The following CASTOR2 variants were observed in gnomAD, a reference collection of about 807,000 sequenced individuals.
The protein encoded by CASTOR2 is GATS protein like 2.
A neutral mutation model predicts 31.2 loss-of-function variants in CASTOR2; 8 were observed. That is an observed-to-expected ratio of 0.26 (90% CI 0.15 to 0.46). The LOEUF (loss-of-function observed/expected upper bound fraction) is 0.46. Ranked by LOEUF, CASTOR2 falls within the 20% of genes least tolerant of loss-of-function variation. The probability of loss-of-function intolerance (pLI) is 0.99; values close to 1 mark genes in which losing one functional copy is unlikely to be tolerated. For missense variants in CASTOR2, 216 were observed against 382.1 expected (o/e 0.57, Z 3.62); for synonymous variants, 162 against 158.7 (o/e 1.02, Z -0.16).
intron 2 of CASTOR2, among the ~76,000 whole-genome samples, chr7:75,012,479 G>A (rs1215423652): frequency 6.7e-6 from 1 of 149,006 alleles, no homozygotes; most frequent in Non-Finnish European, 1.5e-5. Flanking sequence ...ATTTTTTTTT[G>A]TATTTTTAGT....
At chr7:74,993,684 C>T (rs1214505128) in intron 1 of CASTOR2, among the ~76,000 whole-genome samples, 1 of 151,444 alleles carries the variant, frequency 6.6e-6, no homozygotes, top group Non-Finnish European at 1.5e-5. Flanking sequence ...CTCCTGGTCT[C>T]AAGTGATCCA....
intron 1 of CASTOR2, among the ~76,000 whole-genome samples, chr7:74,967,491 C>T (rs1803591389): frequency 6.8e-6 from 1 of 148,024 alleles, no homozygotes. Flanking sequence ...AAGTTTAGCC[C>T]AGACTAGCAC....
intron 7 of CASTOR2, among the ~76,000 whole-genome samples, chr7:75,022,678 AAT>A (rs1805033522): frequency 1.3e-5 from 2 of 152,194 alleles, no homozygotes; most frequent in African/African-American, 4.8e-5. Context: ...GTGCGCCTGT[AAT>A]CCCAGCTACT....
chr7:74,979,197 A>G (rs1191826547), intron 1 of CASTOR2, among the ~76,000 whole-genome samples: 2 of 149,304 alleles, frequency 1.3e-5, no homozygotes, highest in South Asian at 2.1e-4. Context: ...AATGTTTAAG[A>G]TTTTATTTTA....
At chr7:75,014,025 G>T (rs1265814438) in intron 2 of CASTOR2, among the ~76,000 whole-genome samples, 2 of 152,128 alleles carry the variant, frequency 1.3e-5, no homozygotes, top group East Asian at 1.9e-4. Context: ...CACCGTACCC[G>T]GCCTCTTTTA....
chr7:74,973,206 CTA>C (rs1324172988), intron 1 of CASTOR2, among the ~76,000 whole-genome samples: 1 of 150,680 alleles, frequency 6.6e-6, no homozygotes, highest in Non-Finnish European at 1.5e-5. Flanking sequence ...CCTCTCTGTG[CTA>C]TGTTTCTTAC....
At chr7:74,991,494 A>G (rs1554437353) in intron 1 of CASTOR2, among the ~76,000 whole-genome samples, 2 of 152,076 alleles carry the variant, frequency 1.3e-5, no homozygotes, top group African/African-American at 2.4e-5. Context: ...TCAATCAGCA[A>G]ATACTACAAG....
chr7:74,990,216 G>A (rs1281376375), intron 1 of CASTOR2, among the ~76,000 whole-genome samples: 10 of 151,574 alleles, frequency 6.6e-5, no homozygotes, highest in East Asian at 2.0e-4. Flanking sequence ...GTGAAACCCC[G>A]TCTCTACTAA....
At chr7:75,016,371 G>T (rs1804863498) in intron 2 of CASTOR2, among the ~76,000 whole-genome samples, 1 of 152,202 alleles carries the variant, frequency 6.6e-6, no homozygotes, top group Admixed American at 6.5e-5. Flanking sequence ...AGTTGCTGCT[G>T]CTGTGGACTC....
At position 75,024,682 on chromosome 7, in the gene CASTOR2, C is replaced by T; in HGVS notation, c.973C>T (p.Gln325Ter). 1 of 1,551,642 alleles carries T rather than the reference C, an allele frequency of 6.4e-7. No individual in the cohort carries two copies. The highest frequency in any genetic ancestry group is 1.2e-5 in the South Asian group (1 of 84,054). Residue 325 changes from glutamine (Q) to a stop codon, truncating the protein, a stop_gained, in exon 9 of 9, where the codon CAA becomes TAA. Coordinates refer to ENST00000616305, the MANE Select transcript of CASTOR2 (RefSeq NM_001145064.3). LOFTEE classifies it high-confidence loss of function. ...NGVISALKVS[Q>*]AEKH The stretch of plus-strand genomic sequence containing the variant: ...TGTCATCAGTGCCCTGAAGGTCAGC[C>T]AAGCAGAGAAGCACTAGAAGGGTCT...
At chr7:75,022,233 G>A (rs906937620) in intron 7 of CASTOR2, among the ~76,000 whole-genome samples, 5 of 152,150 alleles carry the variant, frequency 3.3e-5, no homozygotes, top group South Asian at 2.1e-4. Context: ...AGCTGGGCGC[G>A]GTGGCTCGTG....
At chr7:75,012,426 C>T (rs1804772253) in intron 2 of CASTOR2, among the ~76,000 whole-genome samples, 2 of 151,920 alleles carry the variant, frequency 1.3e-5, no homozygotes, top group Non-Finnish European at 2.9e-5. Flanking sequence ...CCTCAGCCTC[C>T]TGAGTAGCTG....
rs1398687282 is a variant in CASTOR2 at position 75,029,038 on chromosome 7, C to T, written c.*4339C>T. ...GTGACATTTGTTCAGCAGGAGGAGG[C>T]TTGGTCTGGAGGGGCTTGCCCCTCT... On this transcript the variant is annotated 3_prime_UTR_variant, in exon 9 of 9. Coordinates refer to ENST00000616305, the MANE Select transcript of CASTOR2 (RefSeq NM_001145064.3). Among the ~76,000 whole-genome samples the T allele has an allele frequency of 1.3e-5, 2 of 152,216 alleles. No homozygotes were observed. Among genetic ancestry groups the T allele is most frequent in the Non-Finnish European group, 2.9e-5 (2 of 68,028 alleles).
In CASTOR2 at chr7:75,024,716, C is replaced by G; in HGVS notation, c.*17C>G. 3 of 1,551,588 alleles carry G rather than the reference C, an allele frequency of 1.9e-6. No individual in the cohort carries two copies. In the East Asian group the frequency reaches 7.3e-5, roughly 38 times the overall value. ...AAGCACTAGAAGGGTCTCTTCTGCTCCTCCCTGCCGCCGCCCGGGCCCAGC... is the reference window on the plus strand; with the variant it reads ...AAGCACTAGAAGGGTCTCTTCTGCTGCTCCCTGCCGCCGCCCGGGCCCAGC... On this transcript the variant is annotated 3_prime_UTR_variant, in exon 9 of 9. Transcript: ENST00000616305.
At chr7:74,995,436 C>T (rs1584466935) in intron 1 of CASTOR2, among the ~76,000 whole-genome samples, 1 of 136,136 alleles carries the variant, frequency 7.3e-6, no homozygotes, top group Admixed American at 8.3e-5. Flanking sequence ...GAGGCCGAGG[C>T]GGGAAGATGT....
At position 75,027,538 on chromosome 7, in the gene CASTOR2, G is replaced by A; in HGVS notation, c.*2839G>A. ...TTTTTTTGTTTTTTGTAACCTGCAA[G>A]CTTAGAAATCTCAGGTTGTGCTCCT... On this transcript the variant is annotated 3_prime_UTR_variant, in exon 9 of 9. Transcript: ENST00000616305. 6.2e-6 allele frequency: 1 copy of A among 161,466 alleles called. No individual in the cohort carries two copies. The highest frequency in any genetic ancestry group is 1.4e-5 in the Non-Finnish European group (1 of 73,082). The allele number at this position is 161,466 out of a possible 1,614,324, so 10.0% of individuals were successfully genotyped here.
intron 2 of CASTOR2, 50 bp downstream of exon 2, chr7:75,008,114 G>A: frequency 6.2e-7 from 1 of 1,611,186 alleles, no homozygotes; most frequent in Admixed American, 1.7e-5. Flanking sequence ...CCCGAAGTCA[G>A]GGCTGGCTGC....
chr7:74,975,670 C>T (rs1166353632), intron 1 of CASTOR2, among the ~76,000 whole-genome samples: 6 of 111,138 alleles, frequency 5.4e-5, no homozygotes, highest in Admixed American at 2.0e-4. Context: ...CCAGCCTGGG[C>T]GACAGAGCCA....
chr7:75,028,062 G>A lies in CASTOR2; in HGVS notation c.*3363G>A. The A allele has an allele frequency of 1.3e-6, 2 of 1,534,404 alleles. No homozygotes were observed. Among genetic ancestry groups the A allele is most frequent in the Non-Finnish European group, 1.7e-6 (2 of 1,146,644 alleles). On this transcript the variant is annotated 3_prime_UTR_variant, in exon 9 of 9. Coordinates refer to ENST00000616305, the MANE Select transcript of CASTOR2 (RefSeq NM_001145064.3). ...GGAGTGGGCCTGTTGTCTTGGCGCT[G>A]GCGGATGGGGCAGGTGCCTGGCGGG...
Sources: allele counts gnomAD v4.1 joint callset (sites outside exome capture counted in the v4.1 genomes callset), GRCh38; gene constraint gnomAD v4.1.1; transcripts MANE v1.5; gene names NCBI Gene and HGNC (gene_info 2026-07-23, HGNC 2026-07-21).